Variants in ITGB2 observed in about 807,000 individuals in gnomAD.
ITGB2 encodes the protein integrin subunit beta 2.
In ITGB2, 56 loss-of-function variants were observed where a neutral mutation model predicts 86.8. That is an observed-to-expected ratio of 0.65 (90% CI 0.52 to 0.81). ITGB2 has a LOEUF of 0.81. ITGB2 is among the 30% of genes least tolerant of loss of function. The pLI, the probability that ITGB2 is intolerant of heterozygous loss-of-function variation, is 0.00. For synonymous variants in ITGB2, 457 were observed against 450.4 expected (o/e 1.01, Z -0.19); for missense variants, 948 against 1,061.2 (o/e 0.89, Z 1.48).
chr21:44,908,161 C>T, intron 3 of ITGB2: 1 of 746,320 alleles, frequency 1.3e-6, no homozygotes, highest in Non-Finnish European at 2.5e-6. Context: ...GTGGCGTGGG[C>T]TGGAGGACCC....
At chr21:44,903,056 G>A (rs1334893858) in intron 5 of ITGB2, among the ~76,000 whole-genome samples, 1 of 152,204 alleles carries the variant, frequency 6.6e-6, no homozygotes, top group African/African-American at 2.4e-5. Context: ...GGTCTTTAAT[G>A]TTTAATAATT....
At chr21:44,922,225 C>A (rs1345132740), upstream of ITGB2, among the ~76,000 whole-genome samples, 1 of 152,104 alleles carries the variant, frequency 6.6e-6, no homozygotes, top group Non-Finnish European at 1.5e-5. Flanking sequence ...GGCCAGGGAG[C>A]ACATTGCCGT....
intron 10 of ITGB2, 67 bp downstream of exon 10, chr21:44,893,337 G>A: frequency 1.3e-6 from 2 of 1,588,538 alleles, no homozygotes; most frequent in East Asian, 2.3e-5. Context: ...TGGGGACCCT[G>A]GCTCCTTCTG....
chr21:44,900,114 C>G (rs917817849), intron 7 of ITGB2, among the ~76,000 whole-genome samples: 3 of 152,238 alleles, frequency 2.0e-5, no homozygotes, highest in African/African-American at 7.2e-5. Context: ...GGGCCTCAGC[C>G]TGGCTGCCCC....
chr21:44,890,218 C>T lies in ITGB2; in HGVS notation c.1417G>A (p.Asp473Asn). The stretch of plus-strand genomic sequence containing the variant: ...CAGTTTTTCCCAATGTAGCCAGTGT[C>T]ACACCTGGGGACAGGAGGGGCCCCA... ...GFLECGICRC[D>N]TGYIGKNCEC... The change falls in exon 12 of 16, where the codon GAC (aspartate) becomes AAC (asparagine). Residue 473 changes from aspartate (D) to asparagine (N), a missense_variant. By Grantham distance (23) the Asp-to-Asn change is conservative. Transcript: ENST00000652462. 1.2e-6 allele frequency: 2 copies of T among 1,613,138 alleles called. No individual in the cohort carries two copies. Among genetic ancestry groups the T allele is most frequent in the Non-Finnish European group, 8.5e-7 (1 of 1,180,002 alleles).
intron 8 of ITGB2, among the ~76,000 whole-genome samples, chr21:44,895,883 T>TGAAATGAAATG (rs1555855779): frequency 5.0e-4 from 64 of 127,380 alleles, no homozygotes; most frequent in Non-Finnish European, 8.3e-4. Context: ...AATAAAAAAA[T>TGAAATGAAATG]AAATAAAATA....
At chr21:44,921,361 C>G (rs1238043219), upstream of ITGB2, 1 of 152,486 alleles carries the variant, frequency 6.6e-6, no homozygotes, top group African/African-American at 2.4e-5. Context: ...GGTGCGTGCA[C>G]GCATTGACAT....
At chr21:44,891,757 C>T (rs1476914703) in intron 11 of ITGB2, 52 bp downstream of exon 11, 2 of 1,588,684 alleles carry the variant, frequency 1.3e-6, no homozygotes, top group Non-Finnish European at 1.7e-6. Flanking sequence ...CGACACCTGC[C>T]CTGTGGGGTG....
At chr21:44,918,939 G>C in intron 1 of ITGB2, among the ~76,000 whole-genome samples, 1 of 75,240 alleles carries the variant, frequency 1.3e-5, no homozygotes, top group African/African-American at 1.0e-4. Flanking sequence ...GTGGCTAAGC[G>C]TCCCCTCTCC....
rs150428568 is a variant in ITGB2 at position 44,902,000 on chromosome 21, G to A, written c.500-267C>T. On this transcript the variant is annotated intron_variant, in intron 5 of 15. Transcript: ENST00000652462. ...CATGTGTGTTCCTGCATGTATGTGT[G>A]TGACCAGGTATACATGTGGGCATGT... Among the ~76,000 whole-genome samples the A allele has an allele frequency of 3.3e-3, 505 of 152,364 alleles. 2 individuals carry two copies. In the Middle Eastern group the frequency reaches 0.037, roughly 11 times the overall value.
chr21:44,914,570 C>T (rs540565869), intron 1 of ITGB2, among the ~76,000 whole-genome samples: 61 of 152,264 alleles, frequency 4.0e-4, no homozygotes, highest in Middle Eastern at 3.4e-3. Flanking sequence ...GCAGCAGATC[C>T]GGGCCAAATC....
Position 44,903,559 on chromosome 21 carries a change from G to A in ITGB2, c.329-24C>T, listed in dbSNP as rs772330342. The A allele has an allele frequency of 3.5e-5, 56 of 1,613,538 alleles. 2 individuals carry two copies. The South Asian group carries it at 5.1e-4, about 15-fold the overall frequency. On this transcript the variant is annotated intron_variant, in intron 4 of 15. Coordinates refer to ENST00000652462, the MANE Select transcript of ITGB2 (RefSeq NM_000211.5). ...GCCTGCCGGTGGGGACAGAACAAAA[G>A]GAGCCACACCTCACATCTCACACAG...
Position 44,892,738 on chromosome 21 carries a change from AAAAAAAC to A in ITGB2, c.1224+659_1224+665del, listed in dbSNP as rs370152667. Among the ~76,000 whole-genome samples the A allele has an allele frequency of 5.0e-3, 761 of 152,116 alleles. 9 individuals carry two copies. Among genetic ancestry groups the A allele is most frequent in the African/African-American group, 0.018 (733 of 41,452 alleles). ...GAATATTATTTCACAGCTAGCAAAA[AAAAAAAC>A]AAAAAACAAAAAACAAAAAGAAACA... On this transcript the variant is annotated intron_variant, in intron 10 of 15. Coordinates refer to ENST00000652462, the MANE Select transcript of ITGB2 (RefSeq NM_000211.5).
Position 44,897,196 on chromosome 21 carries a change from G to A in ITGB2, c.993+1871C>T, listed in dbSNP as rs75605877. Among the ~76,000 whole-genome samples the A allele has an allele frequency of 5.9e-4, 90 of 152,316 alleles. 1 individual carries two copies. Among genetic ancestry groups the A allele is most frequent in the African/African-American group, 2.1e-3 (86 of 41,568 alleles). On this transcript the variant is annotated intron_variant, in intron 8 of 15. Transcript: ENST00000652462. ...GGCAGGAACCGCTGGTCTCGCTGTC[G>A]GCCCCAACACACCACGAGGTTGAGC...
intron 11 of ITGB2, among the ~76,000 whole-genome samples, chr21:44,891,249 T>A (rs1426138725): frequency 6.6e-6 from 1 of 152,096 alleles, no homozygotes; most frequent in Non-Finnish European, 1.5e-5. Context: ...CTCCCTGAGG[T>A]GGGGTGCCCA....
chr21:44,891,250 G>T (rs2146502950), intron 11 of ITGB2, among the ~76,000 whole-genome samples: 1 of 152,306 alleles, frequency 6.6e-6, no homozygotes, highest in East Asian at 1.9e-4. Context: ...TCCCTGAGGT[G>T]GGGTGCCCAC....
chr21:44,917,375 T>C (rs1474552), intron 1 of ITGB2, among the ~76,000 whole-genome samples: 27,891 of 152,206 alleles, frequency 0.18, 3,576 homozygotes, highest in African/African-American at 0.35. Flanking sequence ...TATGAGTATT[T>C]TCAATTTTCA....
rs1385103374 is a variant in ITGB2, at chr21:44,901,745, A to C, written c.500-12T>G. On this transcript the variant is annotated splice_polypyrimidine_tract_variant and intron_variant, in intron 5 of 15. Transcript: ENST00000652462. ...GAAGGACCCGAAGCCTGCAGGGCAC[A>C]TGGAGGGGCTGGGGAGGTGGCAGGC... 2.5e-6 allele frequency: 4 copies of C among 1,604,270 alleles called. No homozygotes were observed. Among genetic ancestry groups the C allele is most frequent in the Non-Finnish European group, 3.4e-6 (4 of 1,172,194 alleles).
At chr21:44,918,632 C>T (rs1368912161) in intron 1 of ITGB2, among the ~76,000 whole-genome samples, 2 of 152,214 alleles carry the variant, frequency 1.3e-5, no homozygotes, top group Middle Eastern at 3.2e-3. Context: ...GGCCCCTGTG[C>T]AGAACTTCCT....
Sources: gnomAD v4.1 joint callset for allele counts (sites outside exome capture counted in the v4.1 genomes callset) on GRCh38, gnomAD v4.1.1 for gene constraint, MANE v1.5 for transcripts, NCBI Gene and HGNC (gene_info 2026-07-23, HGNC 2026-07-21) for gene names.